The following SHISA9 variants were observed in gnomAD, a reference collection of about 807,000 sequenced individuals.
SHISA9 encodes shisa family member 9, also known as protein shisa-9.
Under a neutral mutation model 38.0 loss-of-function variants are expected in SHISA9, and 13 were observed. The observed-to-expected ratio is 0.34, with a 90% CI of 0.22 to 0.54. SHISA9 has a LOEUF of 0.54. SHISA9 is among the 20% of genes least tolerant of loss of function. The pLI is 0.91. For synonymous variants in SHISA9, 275 were observed against 242.0 expected, an observed-to-expected ratio of 1.14 and a Z score of -1.27; for missense variants, 538 against 575.8, an observed-to-expected ratio of 0.93 and a Z score of 0.67.
chr16:13,376,052 G>A, the SHISA9 span, among the ~76,000 whole-genome samples: 2 of 152,194 alleles, frequency 1.3e-5, no homozygotes, highest in South Asian at 2.1e-4. Context: ...GTACCCAGGT[G>A]ATGGAAGAAG....
At chr16:12,931,702 A>G (rs900212387) in intron 2 of SHISA9, among the ~76,000 whole-genome samples, 7 of 152,094 alleles carry the variant, frequency 4.6e-5, no homozygotes, top group Non-Finnish European at 7.4e-5. Context: ...TTGGGCACCT[A>G]GGTTGATTAC....
the SHISA9 span, among the ~76,000 whole-genome samples, chr16:13,389,031 C>T: frequency 6.6e-6 from 1 of 152,134 alleles, no homozygotes; most frequent in Non-Finnish European, 1.5e-5. Context: ...CATTAACATC[C>T]CCCACCAGAG....
At chr16:13,499,340 T>C in the SHISA9 span, among the ~76,000 whole-genome samples, 1 of 152,192 alleles carries the variant, frequency 6.6e-6, no homozygotes, top group African/African-American at 2.4e-5. Context: ...TTATCTTACC[T>C]ATAGGGTGGA....
At chr16:13,204,210 GTCTATCTATCTATCTATCTATCTATCTA>G (rs199860829) in intron 3 of SHISA9, among the ~76,000 whole-genome samples, 3 of 140,986 alleles carry the variant, frequency 2.1e-5, no homozygotes, top group Non-Finnish European at 3.1e-5. Context: ...CTGTCTGTCT[GTCTATCTATCTATCTATCTATCTATCTA>G]TCTATCTATC....
intron 2 of SHISA9, among the ~76,000 whole-genome samples, chr16:13,169,750 A>G (rs1180392151): frequency 1.3e-5 from 2 of 152,164 alleles, no homozygotes; most frequent in African/African-American, 4.8e-5. Context: ...CCCGAAAGCT[A>G]ATGATGACAT....
the SHISA9 span, among the ~76,000 whole-genome samples, chr16:13,431,894 C>A: frequency 9.3e-4 from 141 of 152,190 alleles, no homozygotes; most frequent in African/African-American, 3.3e-3. Context: ...CACCTCATCT[C>A]TACTAAAAAT....
intron 4 of SHISA9, among the ~76,000 whole-genome samples, chr16:13,223,605 G>C (rs952918792): frequency 6.6e-6 from 1 of 152,078 alleles, no homozygotes; most frequent in African/African-American, 2.4e-5. Context: ...CCAACACGTT[G>C]GTTCTTTGTC....
At chr16:13,408,425 TC>T in the SHISA9 span, among the ~76,000 whole-genome samples, 1 of 152,186 alleles carries the variant, frequency 6.6e-6, no homozygotes, top group Admixed American at 6.5e-5. Context: ...AAACACCTTA[TC>T]CTTTTTATTC....
At chr16:13,413,567 C>T in the SHISA9 span, among the ~76,000 whole-genome samples, 109 of 151,936 alleles carry the variant, frequency 7.2e-4, no homozygotes, top group Non-Finnish European at 1.3e-3. Context: ...ACCAGCGTGG[C>T]CGATATGGTG....
intron 2 of SHISA9, among the ~76,000 whole-genome samples, chr16:13,090,985 G>T (rs1274863011): frequency 6.6e-6 from 1 of 152,182 alleles, no homozygotes; most frequent in African/African-American, 2.4e-5. Flanking sequence ...CCCTTGTAAG[G>T]CAGGCCTGGT....
the SHISA9 span, among the ~76,000 whole-genome samples, chr16:13,562,099 T>C: frequency 6.6e-6 from 1 of 152,190 alleles, no homozygotes; most frequent in Non-Finnish European, 1.5e-5. Context: ...TGACTAACAG[T>C]CTTGCATCTT....
At chr16:12,913,742 G>A (rs1381728101) in intron 1 of SHISA9, among the ~76,000 whole-genome samples, 2 of 152,144 alleles carry the variant, frequency 1.3e-5, no homozygotes, top group African/African-American at 2.4e-5. Flanking sequence ...CTGGACATTG[G>A]ATATCAATGG....
At chr16:13,510,076 T>C in the SHISA9 span, among the ~76,000 whole-genome samples, 2 of 152,018 alleles carry the variant, frequency 1.3e-5, no homozygotes, top group East Asian at 3.9e-4. Flanking sequence ...GAGGCCGAGG[T>C]GGGCAGATTA....
At chr16:13,271,912 C>T in the SHISA9 span, among the ~76,000 whole-genome samples, 2 of 151,948 alleles carry the variant, frequency 1.3e-5, no homozygotes, top group African/African-American at 4.8e-5. Flanking sequence ...TGAAACCCCT[C>T]TACTAAAAAT....
chr16:13,491,656 T>G, the SHISA9 span, among the ~76,000 whole-genome samples: 2 of 151,384 alleles, frequency 1.3e-5, no homozygotes, highest in Middle Eastern at 6.8e-3. Context: ...CCTGGTTCAT[T>G]TTTTTGTATT....
At chr16:13,172,928 C>A (rs536084306) in intron 2 of SHISA9, among the ~76,000 whole-genome samples, 10 of 152,098 alleles carry the variant, frequency 6.6e-5, no homozygotes, top group African/African-American at 2.2e-4. Flanking sequence ...TCTTACTTCC[C>A]GATCTGTTCA....
chr16:13,208,386 G>C (rs2051086125), intron 3 of SHISA9, among the ~76,000 whole-genome samples: 1 of 150,420 alleles, frequency 6.6e-6, no homozygotes, highest in East Asian at 1.9e-4. Context: ...TTGCTTGTTG[G>C]GATCACCCTC....
intron 2 of SHISA9, among the ~76,000 whole-genome samples, chr16:13,031,497 T>G (rs1037955907): frequency 6.6e-6 from 1 of 152,204 alleles, no homozygotes; most frequent in African/African-American, 2.4e-5. Flanking sequence ...TGCAAGATCT[T>G]ATGTAATTCC....
Position 12,901,935 on chromosome 16 carries a change from T to G in SHISA9, c.-130T>G, listed in dbSNP as rs1045417641. ...CCGACCACCGAGCGCCCCGCGCCGCTCCCTGCATGTGCGGCCCGCGGCGGC... is the reference window on the plus strand; with the variant it reads ...CCGACCACCGAGCGCCCCGCGCCGCGCCCTGCATGTGCGGCCCGCGGCGGC... On this transcript the variant is annotated 5_prime_UTR_variant, in exon 1 of 5. Transcript: ENST00000558583. 9 of 619,400 alleles carry G rather than the reference T, an allele frequency of 1.5e-5. No individual in the cohort carries two copies. The African/African-American group carries it at 1.8e-4, about 12-fold the overall frequency. 38.4% of individuals were successfully genotyped at this position (619,400 alleles called of 1,614,324 possible). A position where few individuals can be genotyped will look rare whatever the true frequency, so the allele number is the denominator to read the frequency against.
Sources: gnomAD v4.1 joint callset for allele counts (sites outside exome capture counted in the v4.1 genomes callset) on GRCh38, gnomAD v4.1.1 for gene constraint, MANE v1.5 for transcripts, NCBI Gene and HGNC (gene_info 2026-07-23, HGNC 2026-07-21) for gene names.